The following SNX6 variants were observed in gnomAD, a reference collection of about 807,000 sequenced individuals.
SNX6 encodes the protein sorting nexin-6.
A neutral mutation model predicts 63.0 loss-of-function variants in SNX6; 34 were observed. The observed-to-expected ratio is 0.54, with a 90% confidence interval of 0.41 to 0.72. The LOEUF is 0.72. Among genes scored for constraint, SNX6 ranks in the 30% least tolerant of loss-of-function variants. SNX6 has a pLI of 0.00. For synonymous variants in SNX6, 170 were observed against 164.2 expected, an observed-to-expected ratio of 1.04 and a Z score of -0.27; for missense variants, 398 against 471.4, an observed-to-expected ratio of 0.84 and a Z score of 1.44.
At chr14:34,575,203 T>A (rs1881643040) in intron 11 of SNX6, among the ~76,000 whole-genome samples, 1 of 148,436 alleles carries the variant, frequency 6.7e-6, no homozygotes, top group Non-Finnish European at 1.5e-5. Context: ...TCAATTTTTT[T>A]TTTTTTTTTT....
chr14:34,570,725 C>CTCT (rs1555323962), intron 11 of SNX6, among the ~76,000 whole-genome samples: 6 of 114,398 alleles, frequency 5.2e-5, no homozygotes, highest in Admixed American at 2.1e-4. Flanking sequence ...CTGGCCTTCT[C>CTCT]TTTTTTTTTT....
intron 2 of SNX6, among the ~76,000 whole-genome samples, chr14:34,628,713 C>G (rs1309770051): frequency 6.6e-6 from 1 of 152,194 alleles, no homozygotes; most frequent in African/African-American, 2.4e-5. Context: ...ACAGCAATAA[C>G]ATCCCACAAT....
intron 11 of SNX6, among the ~76,000 whole-genome samples, chr14:34,574,467 T>C (rs985962279): frequency 5.3e-5 from 8 of 150,776 alleles, no homozygotes; most frequent in African/African-American, 1.9e-4. Context: ...CTGGCCAACA[T>C]AGGGAAATCC....
intron 8 of SNX6, 125 bp from the exon 9 acceptor site, chr14:34,586,430 G>A: frequency 2.0e-6 from 1 of 498,170 alleles, no homozygotes; most frequent in African/African-American, 2.0e-5. Context: ...GCAAGCAACA[G>A]GCATGGTGGC....
chr14:34,625,219 C>A (rs1051303407), intron 2 of SNX6, among the ~76,000 whole-genome samples: 2 of 152,078 alleles, frequency 1.3e-5, no homozygotes, highest in Non-Finnish European at 2.9e-5. Flanking sequence ...CCAGCCAAGA[C>A]TCCCTTTCTT....
rs1220797087 is a variant in SNX6, at chr14:34,607,971, A to G, written c.270+59T>C. ...AAAATGCTAAACAAGATTCCAAAAC[A>G]TAACGAAGTACCTAAAACCTCCTAG... On this transcript the variant is annotated intron_variant, in intron 4 of 13. Transcript: ENST00000362031. 2.1e-5 allele frequency: 18 copies of G among 860,512 alleles called. 1 individual carries two copies. The East Asian group carries it at 3.7e-4, about 18-fold the overall frequency. The allele number at this position is 860,512 out of a possible 1,614,324, so 53.3% of individuals were successfully genotyped here. A position where few individuals can be genotyped will look rare whatever the true frequency, so the allele number is the denominator to read the frequency against.
At chr14:34,571,742 T>C (rs1881461883) in intron 11 of SNX6, among the ~76,000 whole-genome samples, 1 of 152,228 alleles carries the variant, frequency 6.6e-6, no homozygotes, top group African/African-American at 2.4e-5. Context: ...TTCCATTGTA[T>C]GGCTATATAA....
intron 8 of SNX6, 73 bp from the exon 9 acceptor site, chr14:34,586,378 C>A: frequency 2.2e-6 from 2 of 898,810 alleles, no homozygotes; most frequent in African/African-American, 1.7e-5. Context: ...AATTACCTCT[C>A]AAACAATGTG....
At chr14:34,596,891 A>AAAACTCCTGACCTC (rs1882623911) in intron 7 of SNX6, among the ~76,000 whole-genome samples, 1 of 152,094 alleles carries the variant, frequency 6.6e-6, no homozygotes, top group East Asian at 2.0e-4. Context: ...GTTGGTCTCG[A>AAAACTCCTGACCTC]AAACTCCTGA....
intron 2 of SNX6, among the ~76,000 whole-genome samples, chr14:34,621,951 CT>C (rs1037764907): frequency 0.014 from 1,085 of 77,426 alleles, 1 homozygote; most frequent in African/African-American, 0.052. Flanking sequence ...CATGTCTTTC[CT>C]TTTTTTTTTT....
intron 2 of SNX6, 81 bp from the exon 3 acceptor site, chr14:34,609,823 A>G (rs1243258475): frequency 3.4e-6 from 3 of 895,176 alleles, no homozygotes; most frequent in Non-Finnish European, 5.3e-6. Flanking sequence ...TGCAAAAACA[A>G]AACAAAAATA....
At chr14:34,615,851 C>T (rs1182026386) in intron 2 of SNX6, among the ~76,000 whole-genome samples, 1 of 152,190 alleles carries the variant, frequency 6.6e-6, no homozygotes, top group African/African-American at 2.4e-5. Context: ...AATAAAATCA[C>T]CCCCCACCAT....
At chr14:34,570,577 T>C (rs941752322) in intron 11 of SNX6, among the ~76,000 whole-genome samples, 2 of 150,312 alleles carry the variant, frequency 1.3e-5, no homozygotes, top group African/African-American at 4.9e-5. Context: ...CCTGCCACCA[T>C]ACCTGGCTAA....
intron 11 of SNX6, among the ~76,000 whole-genome samples, chr14:34,575,344 G>C (rs929436685): frequency 3.8e-4 from 58 of 151,962 alleles, no homozygotes; most frequent in African/African-American, 1.2e-3. Flanking sequence ...GGGATTACAG[G>C]CACCCGCCAC....
At chr14:34,572,862 T>G (rs979960384) in intron 11 of SNX6, among the ~76,000 whole-genome samples, 9 of 151,984 alleles carry the variant, frequency 5.9e-5, no homozygotes, top group Non-Finnish European at 1.5e-5. Context: ...TTGTATTTTT[T>G]TAGTAGAGAC....
intron 2 of SNX6, among the ~76,000 whole-genome samples, chr14:34,611,850 C>A (rs1203586943): frequency 6.6e-6 from 1 of 151,556 alleles, no homozygotes; most frequent in African/African-American, 2.4e-5. Flanking sequence ...ACAATCTCGG[C>A]TCACTGCAAG....
chr14:34,600,458 A>T (rs1483158797), intron 6 of SNX6, among the ~76,000 whole-genome samples: 1 of 147,692 alleles, frequency 6.8e-6, no homozygotes, highest in Non-Finnish European at 1.5e-5. Flanking sequence ...TTTTTTTTTT[A>T]AAAAGAGACA....
intron 10 of SNX6, 80 bp from the exon 11 acceptor site, chr14:34,575,922 GTTT>G: frequency 1.4e-6 from 1 of 696,616 alleles, no homozygotes; most frequent in Admixed American, 3.3e-5. Flanking sequence ...TGTTGTTGTT[GTTT>G]TTTTGTTTTT....
chr14:34,592,077 G>C (rs1279444033), intron 8 of SNX6, among the ~76,000 whole-genome samples: 1 of 152,148 alleles, frequency 6.6e-6, no homozygotes, highest in Non-Finnish European at 1.5e-5. Flanking sequence ...ATTCTTAAGT[G>C]AAAGTCACAT....
Sources: gnomAD v4.1 joint callset for allele counts (sites outside exome capture counted in the v4.1 genomes callset) on GRCh38, gnomAD v4.1.1 for gene constraint, MANE v1.5 for transcripts, NCBI Gene and HGNC (gene_info 2026-07-23, HGNC 2026-07-21) for gene names.